The following HADHA variants were observed in gnomAD, a reference collection of about 807,000 sequenced individuals.
HADHA encodes trifunctional enzyme subunit alpha, mitochondrial.
In HADHA, 59 loss-of-function variants were observed where a neutral mutation model predicts 91.3. The observed-to-expected ratio is 0.65, with a 90% CI of 0.52 to 0.80. HADHA has a LOEUF of 0.80. Among genes scored for constraint, HADHA ranks in the 30% least tolerant of loss-of-function variants. The pLI is 0.00. For missense variants in HADHA, 800 were observed against 927.6 expected (o/e 0.86, Z 1.79); for synonymous variants, 320 against 338.9 (o/e 0.94, Z 0.61).
Position 26,221,979 on chromosome 2 carries a change from GT to G in HADHA, c.677-6805del, listed in dbSNP as rs1257615420. 2.6e-5 allele frequency among the ~76,000 whole-genome samples: 4 copies of G among 152,310 alleles called. No individual in the cohort carries two copies. The highest frequency in any genetic ancestry group is 9.6e-5 in the African/African-American group (4 of 41,572). Reference sequence around the variant, plus strand: ...TTACAGGGAACACAGATGAAAAACTGTTGGCAAGGTGTTATGGGCTGAATTG... The same window carrying G: ...TTACAGGGAACACAGATGAAAAACTGTGGCAAGGTGTTATGGGCTGAATTG... On this transcript the variant is annotated intron_variant, in intron 7 of 19. Coordinates refer to ENST00000380649, the MANE Select transcript of HADHA (RefSeq NM_000182.5). The surrounding 1 kb of genome is among the most constrained non-coding windows in gnomAD (Gnocchi z 4.8).
At chr2:26,238,850 G>C in intron 3 of HADHA, 84 bp downstream of exon 3, 2 of 861,106 alleles carry the variant, frequency 2.3e-6, no homozygotes, top group South Asian at 2.7e-5. Context: ...GGTAGATTTG[G>C]GGAAATATGG....
intron 7 of HADHA, among the ~76,000 whole-genome samples, chr2:26,225,397 CAAAA>C (rs35279747): frequency 1.2e-4 from 17 of 139,192 alleles, no homozygotes; most frequent in Non-Finnish European, 1.6e-4. Flanking sequence ...GACTCCATCT[CAAAA>C]AAAAAAAAAA....
At chr2:26,213,315 T>C (rs981445219) in intron 9 of HADHA, among the ~76,000 whole-genome samples, 1 of 152,246 alleles carries the variant, frequency 6.6e-6, no homozygotes, top group African/African-American at 2.4e-5. Context: ...ACAGTTTTGC[T>C]AATTCACTGC....
rs1553315306 is a variant in HADHA at position 26,229,348 on chromosome 2, G to GCACGCACACACACACACA, written c.676+843_676+844insTGTGTGTGTGTGTGCGTG. ...GTGAGACCCCAACATGTGTGCGCGC[G>GCACGCACACACACACACA]CACACACACACACACACACACACAC... On this transcript the variant is annotated intron_variant, in intron 7 of 19. Coordinates refer to ENST00000380649, the MANE Select transcript of HADHA (RefSeq NM_000182.5). This position sits in a 1 kb window ranked among gnomAD's most constrained non-coding sequence, Gnocchi z 4.3. 1.4e-5 allele frequency among the ~76,000 whole-genome samples: 2 copies of GCACGCACACACACACACA among 147,520 alleles called. No homozygotes were observed. The highest frequency in any genetic ancestry group is 5.1e-5 in the African/African-American group (2 of 39,538).
intron 7 of HADHA, among the ~76,000 whole-genome samples, chr2:26,217,102 C>T (rs191943721): frequency 1.3e-5 from 2 of 152,138 alleles, no homozygotes; most frequent in East Asian, 1.9e-4. Flanking sequence ...AGTGAATCAA[C>T]CCCAGCTACT....
rs140209480 is a variant in HADHA, at chr2:26,220,684, T to C, written c.677-5509A>G. Among the ~76,000 whole-genome samples the C allele has an allele frequency of 4.9e-3, 740 of 152,366 alleles. 5 individuals carry two copies. The highest frequency in any genetic ancestry group is 0.017 in the African/African-American group (713 of 41,586). ...GACTGATCTGACAAAAGCTTTTTTTTCTTGGTATCTGTTAGTAAAGACCAC... is the reference window on the plus strand; with the variant it reads ...GACTGATCTGACAAAAGCTTTTTTTCCTTGGTATCTGTTAGTAAAGACCAC... On this transcript the variant is annotated intron_variant, in intron 7 of 19. Transcript: ENST00000380649.
At position 26,193,790 on chromosome 2, in the gene HADHA, C is replaced by A. The variant is rs1057523303; in HGVS notation, c.1690-18G>T. On this transcript the variant is annotated intron_variant, in intron 16 of 19. Coordinates refer to ENST00000380649, the MANE Select transcript of HADHA (RefSeq NM_000182.5). ...ACTCCTTCCTGAACAGGAAGCGATG[C>A]AGGGACCTCAGGGGAAGGGCAGCCC... The A allele has an allele frequency of 6.2e-7, 1 of 1,602,660 alleles. No homozygotes were observed. Among genetic ancestry groups the A allele is most frequent in the East Asian group, 2.2e-5 (1 of 44,810 alleles).
chr2:26,212,449 T>G (rs1293336503), intron 10 of HADHA, 121 bp downstream of exon 10: 1 of 742,746 alleles, frequency 1.3e-6, no homozygotes, highest in Non-Finnish European at 2.5e-6. Context: ...TGATAAGCAC[T>G]GGAAGAAAAA....
rs7570555 is a variant in HADHA, at chr2:26,236,821, G to T, written c.314+34C>A. On this transcript the variant is annotated intron_variant, in intron 4 of 19. Transcript: ENST00000380649. ...GCCTAAGAAACACACTATTAACCAA[G>T]ATAAAAGGTGACTTCAAGTTTCCTA... 1.0e-3 allele frequency: 1,560 copies of T among 1,556,642 alleles called. 24 individuals carry two copies. In the African/African-American group the frequency reaches 0.02, roughly 20 times the overall value.
chr2:26,227,657 A>C (rs1662340620), intron 7 of HADHA, among the ~76,000 whole-genome samples: 1 of 152,112 alleles, frequency 6.6e-6, no homozygotes, highest in South Asian at 2.1e-4. Context: ...CTTTGGGAAA[A>C]CAGTCTGACA....
Position 26,239,557 on chromosome 2 carries a change from T to C in HADHA, c.68-414A>G, listed in dbSNP as rs1045384430. Among the ~76,000 whole-genome samples the C allele has an allele frequency of 6.6e-6, 1 of 152,098 alleles. No individual in the cohort carries two copies. Among genetic ancestry groups the C allele is most frequent in the Non-Finnish European group, 1.5e-5 (1 of 68,020 alleles). On this transcript the variant is annotated intron_variant, in intron 1 of 19. Transcript: ENST00000380649. ...TAAGAGGCACATGGGAACTACTGAC[T>C]GGAGAACCCAGTGAAGGTGGAGTGG...
intron 6 of HADHA, 21 bp from the exon 7 acceptor site, chr2:26,230,315 A>C (rs1670592368): frequency 7.1e-7 from 1 of 1,411,328 alleles, no homozygotes; most frequent in African/African-American, 1.4e-5. Flanking sequence ...AGCAAGGATG[A>C]GAATATAGGG....
intron 7 of HADHA, among the ~76,000 whole-genome samples, chr2:26,217,912 G>C (rs1558324398): frequency 6.6e-6 from 1 of 151,958 alleles, no homozygotes; most frequent in Non-Finnish European, 1.5e-5. Context: ...GTCTCAAAAA[G>C]AAACAAACAA....
chr2:26,242,630 C>T (rs1191223953), intron 1 of HADHA, among the ~76,000 whole-genome samples: 2 of 152,222 alleles, frequency 1.3e-5, no homozygotes, highest in African/African-American at 2.4e-5. Context: ...TCCTTTTCAT[C>T]ACACAAGGTG....
intron 7 of HADHA, among the ~76,000 whole-genome samples, chr2:26,219,027 A>G (rs1670306330): frequency 6.6e-6 from 1 of 151,366 alleles, no homozygotes; most frequent in African/African-American, 2.4e-5. Flanking sequence ...AAAAAAAGAA[A>G]GAAAGAAAAT....
intron 15 of HADHA, among the ~76,000 whole-genome samples, 178 bp downstream of exon 15, chr2:26,194,914 C>T (rs555265072): frequency 6.6e-6 from 1 of 152,130 alleles, no homozygotes; most frequent in Admixed American, 6.5e-5. Flanking sequence ...ATACTCCCCA[C>T]TCCCACCTTG....
chr2:26,194,071 C>T (rs969044789), intron 16 of HADHA, among the ~76,000 whole-genome samples: 6 of 152,198 alleles, frequency 3.9e-5, no homozygotes, highest in African/African-American at 9.7e-5. Flanking sequence ...GCATGACAGA[C>T]GGCTGAGTGT....
chr2:26,208,542 G>A (rs1202037233), intron 11 of HADHA, among the ~76,000 whole-genome samples: 1 of 152,086 alleles, frequency 6.6e-6, no homozygotes, highest in Non-Finnish European at 1.5e-5. Context: ...GGAGGGATAC[G>A]GTGGGGAGGG....
intron 12 of HADHA, 89 bp from the exon 13 acceptor site, chr2:26,201,409 C>T (rs1669831612): frequency 2.3e-6 from 2 of 874,168 alleles, no homozygotes; most frequent in Admixed American, 1.9e-5. Context: ...CTGTGTTTTT[C>T]ACCAACTCTG....
Sources: gnomAD v4.1 joint callset for allele counts (sites outside exome capture counted in the v4.1 genomes callset) on GRCh38, gnomAD v4.1.1 for gene constraint, Gnocchi (gnomAD v3.1) non-coding constraint, MANE v1.5 for transcripts, NCBI Gene and HGNC (gene_info 2026-07-23, HGNC 2026-07-21) for gene names.